Variants in DLG2 observed in about 807,000 individuals in gnomAD.
DLG2 encodes discs large MAGUK scaffold protein 2.
In DLG2, 45 loss-of-function variants were observed where a neutral mutation model predicts 132.5. The ratio of observed to expected loss-of-function variants is 0.34; its 90% CI spans 0.27 to 0.44. DLG2 has a LOEUF of 0.44. Among genes scored for constraint, DLG2 ranks in the 20% least tolerant of loss-of-function variants. DLG2 has a pLI of 1.00. For synonymous variants in DLG2, 424 were observed against 419.6 expected, an observed-to-expected ratio of 1.01 and a Z score of -0.13; for missense variants, 1,045 against 1,196.9, an observed-to-expected ratio of 0.87 and a Z score of 1.87.
intron 15 of DLG2, among the ~76,000 whole-genome samples, chr11:83,895,284 C>A (rs146784339): frequency 2.2e-4 from 34 of 151,790 alleles, no homozygotes; most frequent in African/African-American, 7.0e-4. Context: ...CTCAGCCTCC[C>A]GAGTAGCTGG....
chr11:83,834,774 T>C (rs941532322), intron 16 of DLG2, among the ~76,000 whole-genome samples: 8 of 152,226 alleles, frequency 5.3e-5, no homozygotes, highest in Non-Finnish European at 1.0e-4. Context: ...TATGGAATTA[T>C]AGAATGTAAA....
At chr11:84,169,209 A>T (rs2095753850) in intron 8 of DLG2, among the ~76,000 whole-genome samples, 2 of 152,212 alleles carry the variant, frequency 1.3e-5, no homozygotes, top group Non-Finnish European at 2.9e-5. Flanking sequence ...TTAAGTGATT[A>T]AAGAAATTTT....
At chr11:83,612,264 G>A (rs887145781) in intron 19 of DLG2, among the ~76,000 whole-genome samples, 1 of 152,150 alleles carries the variant, frequency 6.6e-6, no homozygotes, top group South Asian at 2.1e-4. Context: ...CCACCTAAGA[G>A]CTGTGTGATT....
chr11:83,804,198 T>A (rs2045290827), intron 17 of DLG2, among the ~76,000 whole-genome samples: 1 of 152,084 alleles, frequency 6.6e-6, no homozygotes, highest in South Asian at 2.1e-4. Context: ...GTCAAATCTT[T>A]TTGGGAAGTC....
chr11:84,926,325 T>C (rs938626744), intron 6 of DLG2, among the ~76,000 whole-genome samples: 10 of 152,052 alleles, frequency 6.6e-5, no homozygotes, highest in African/African-American at 1.7e-4. Flanking sequence ...CAAATTATGA[T>C]TGATGTAGTG....
chr11:85,529,935 C>T (rs2075067297), intron 3 of DLG2, among the ~76,000 whole-genome samples: 1 of 151,018 alleles, frequency 6.6e-6, no homozygotes, highest in African/African-American at 2.4e-5. Context: ...CAATTTACCA[C>T]TTTCTCTTCT....
chr11:85,246,855 A>T (rs1306096062), intron 4 of DLG2, among the ~76,000 whole-genome samples: 1 of 152,122 alleles, frequency 6.6e-6, no homozygotes, highest in Non-Finnish European at 1.5e-5. Context: ...ACGATCACTA[A>T]CATAGTTATC....
intron 6 of DLG2, among the ~76,000 whole-genome samples, chr11:84,535,074 T>C (rs1016134988): frequency 6.6e-6 from 1 of 152,184 alleles, no homozygotes; most frequent in Non-Finnish European, 1.5e-5. Flanking sequence ...AGTAGCTAAG[T>C]ATGTGTTAAA....
intron 7 of DLG2, among the ~76,000 whole-genome samples, chr11:84,490,709 A>C (rs1295026767): frequency 6.6e-5 from 10 of 151,992 alleles, no homozygotes; most frequent in Admixed American, 6.6e-4. Flanking sequence ...GTTTTGGTAA[A>C]AGCAATGAGA....
chr11:84,949,963 A>G (rs1198445931), intron 6 of DLG2, among the ~76,000 whole-genome samples: 1 of 152,250 alleles, frequency 6.6e-6, no homozygotes, highest in Non-Finnish European at 1.5e-5. Context: ...AAAGACGGGC[A>G]TAAGAAATTA....
chr11:83,792,961 A>G (rs2041961782), intron 17 of DLG2, among the ~76,000 whole-genome samples: 2 of 152,150 alleles, frequency 1.3e-5, no homozygotes, highest in African/African-American at 4.8e-5. Context: ...ATATACCTCG[A>G]CATTTGACTT....
At chr11:85,024,100 A>C (rs892198214) in intron 6 of DLG2, among the ~76,000 whole-genome samples, 1 of 152,100 alleles carries the variant, frequency 6.6e-6, no homozygotes, top group African/African-American at 2.4e-5. Flanking sequence ...CTTCATCTAA[A>C]AGTGGATTAT....
intron 15 of DLG2, among the ~76,000 whole-genome samples, chr11:83,898,344 A>T (rs1016199673): frequency 6.6e-6 from 1 of 152,172 alleles, no homozygotes; most frequent in Non-Finnish European, 1.5e-5. Context: ...CAAGAAAACT[A>T]TAATGACTGA....
intron 7 of DLG2, among the ~76,000 whole-genome samples, chr11:84,515,564 C>A (rs2099270336): frequency 6.6e-6 from 1 of 151,832 alleles, no homozygotes; most frequent in Admixed American, 6.6e-5. Context: ...ATTCATCTGA[C>A]ATCCAAGCAC....
intron 7 of DLG2, among the ~76,000 whole-genome samples, chr11:84,389,079 C>T (rs886359748): frequency 7.2e-5 from 11 of 152,102 alleles, no homozygotes; most frequent in Admixed American, 2.6e-4. Flanking sequence ...TATTAGAGAG[C>T]ACCATATCTA....
At chr11:83,885,465 C>T (rs1353042685) in intron 15 of DLG2, among the ~76,000 whole-genome samples, 5 of 152,200 alleles carry the variant, frequency 3.3e-5, no homozygotes, top group South Asian at 2.1e-4. Flanking sequence ...ACCAAATCTA[C>T]ATCTGATTGG....
chr11:83,484,204 T>C lies in DLG2; in HGVS notation c.2218A>G (p.Ser740Gly), dbSNP rs1260258162. The change falls in exon 22 of 28, where the codon AGC (serine) becomes GGC (glycine). Residue 740 changes from serine to glycine, a missense_variant. By Grantham distance (56) the Ser-to-Gly change is moderately conservative. This residue lies in a region of DLG2 where 398 missense variants were observed against 543.6 expected (regional missense o/e 0.73). Transcript: ENST00000376104. ...GGGAATTTTCGTGAAAAGATGAAGC[T>C]CTTTTTACGCTTGTCATTGAATGAC... ...KGSFNDKRKK[S>G]FIFSRKFPFY... 1 of 1,613,276 alleles carries C rather than the reference T, an allele frequency of 6.2e-7. No individual in the cohort carries two copies. The highest frequency in any genetic ancestry group is 8.5e-7 in the Non-Finnish European group (1 of 1,179,558).
chr11:85,142,200 C>A (rs1456824421), intron 5 of DLG2, among the ~76,000 whole-genome samples: 1 of 151,774 alleles, frequency 6.6e-6, no homozygotes, highest in Non-Finnish European at 1.5e-5. Context: ...CACAAAATAT[C>A]TTTCCATTTT....
At chr11:83,853,671 C>A (rs2060107349) in intron 16 of DLG2, among the ~76,000 whole-genome samples, 2 of 152,014 alleles carry the variant, frequency 1.3e-5, no homozygotes, top group African/African-American at 2.4e-5. Flanking sequence ...CTAAAAAGTA[C>A]CTAATAACAC....
Sources: gnomAD v4.1 joint callset for allele counts (sites outside exome capture counted in the v4.1 genomes callset) on GRCh38, gnomAD v4.1.1 for gene constraint, gnomAD v4.1.1 regional missense constraint, MANE v1.5 for transcripts, NCBI Gene and HGNC (gene_info 2026-07-23, HGNC 2026-07-21) for gene names.